The following CRB1 variants were observed in gnomAD, a reference collection of about 807,000 sequenced individuals.
The protein encoded by CRB1 is protein crumbs homolog 1.
In CRB1, 83 loss-of-function variants were observed where a neutral mutation model predicts 120.0. That is an observed-to-expected ratio of 0.69 (90% confidence interval 0.58 to 0.83). The LOEUF (loss-of-function observed/expected upper bound fraction) is 0.83. Ranked by LOEUF, CRB1 falls within the 40% of genes least tolerant of loss-of-function variation. CRB1 has a pLI of 0.00. For synonymous variants in CRB1, 625 were observed against 612.5 expected (o/e 1.02, Z -0.30); for missense variants, 1,699 against 1,687.6 (o/e 1.01, Z -0.12).
At chr1:197,367,001 T>C (rs958259450) in intron 5 of CRB1, among the ~76,000 whole-genome samples, 3 of 152,230 alleles carry the variant, frequency 2.0e-5, no homozygotes, top group Non-Finnish European at 4.4e-5. Context: ...AAAATGAGAA[T>C]GGGACATTGC....
chr1:197,298,606 T>C (rs1452579775), intron 1 of CRB1, among the ~76,000 whole-genome samples: 1 of 152,076 alleles, frequency 6.6e-6, no homozygotes, highest in Admixed American at 6.6e-5. Flanking sequence ...GAATAATGAC[T>C]TGGAGGGAAT....
In CRB1 at chr1:197,343,354, C is replaced by T. The variant is rs185760212; in HGVS notation, c.653-927C>T. 4.4e-3 allele frequency among the ~76,000 whole-genome samples: 666 copies of T among 152,214 alleles called. 6 individuals carry two copies. The highest frequency in any genetic ancestry group is 8.2e-3 in the Non-Finnish European group (559 of 67,982). On this transcript the variant is annotated intron_variant, in intron 2 of 11. Transcript: ENST00000367400. ...AACCTGTATGCAAATGCAATTATTG[C>T]ATATCAAATACTATTTTGGCACTTA...
At position 197,438,680 on chromosome 1, in the gene CRB1, G is replaced by A; in HGVS notation, c.3878+5G>A. 1 of 1,611,630 alleles carries A rather than the reference G, an allele frequency of 6.2e-7. No individual in the cohort carries two copies. Among genetic ancestry groups the A allele is most frequent in the Non-Finnish European group, 8.5e-7 (1 of 1,178,154 alleles). ...GCCAGGTTTTACTGGAGAATGGTGAGTCACATTAGAGCCTTCTGGAAGAGA... is the reference window on the plus strand; with the variant it reads ...GCCAGGTTTTACTGGAGAATGGTGAATCACATTAGAGCCTTCTGGAAGAGA... On this transcript the variant is annotated splice_donor_5th_base_variant and intron_variant, in intron 10 of 11. Coordinates refer to ENST00000367400, the MANE Select transcript of CRB1 (RefSeq NM_201253.3).
chr1:197,361,053 G>A (rs932214464), intron 5 of CRB1, among the ~76,000 whole-genome samples: 3 of 152,070 alleles, frequency 2.0e-5, no homozygotes, highest in Non-Finnish European at 4.4e-5. Context: ...GTGGTAGATT[G>A]CTCTGGTTCA....
chr1:197,206,848 A>G, the CRB1 span, among the ~76,000 whole-genome samples: 7 of 152,118 alleles, frequency 4.6e-5, no homozygotes, highest in East Asian at 1.4e-3. Flanking sequence ...AAGTCCCCCA[A>G]TATTACTGTG....
chr1:197,390,346 G>A (rs1015011561), intron 5 of CRB1, among the ~76,000 whole-genome samples: 1 of 152,084 alleles, frequency 6.6e-6, no homozygotes, highest in African/African-American at 2.4e-5. Flanking sequence ...GTAAATGGAT[G>A]AATAGACAGC....
intron 3 of CRB1, among the ~76,000 whole-genome samples, chr1:197,346,771 G>T (rs1017080193): frequency 4.6e-5 from 7 of 152,170 alleles, no homozygotes; most frequent in South Asian, 4.1e-4. Context: ...ATTAGAAATA[G>T]TAAGGCCTAA....
the CRB1 span, among the ~76,000 whole-genome samples, chr1:197,203,585 A>G: frequency 6.6e-6 from 1 of 152,170 alleles, no homozygotes. Context: ...TTGGCCTCCC[A>G]AAGAGCTGGG....
At chr1:197,323,795 A>G (rs907392923) in intron 1 of CRB1, among the ~76,000 whole-genome samples, 1 of 152,128 alleles carries the variant, frequency 6.6e-6, no homozygotes, top group Non-Finnish European at 1.5e-5. Context: ...CCTAACGCCC[A>G]AGACCTGATC....
intron 1 of CRB1, among the ~76,000 whole-genome samples, chr1:197,282,219 A>G (rs1655561502): frequency 6.6e-6 from 1 of 151,772 alleles, no homozygotes; most frequent in African/African-American, 2.4e-5. Flanking sequence ...ATAAAATTTC[A>G]GAATAATAAT....
At chr1:197,319,383 A>C (rs927100424) in intron 1 of CRB1, among the ~76,000 whole-genome samples, 3 of 128,260 alleles carry the variant, frequency 2.3e-5, no homozygotes, top group Non-Finnish European at 4.7e-5. Flanking sequence ...AGCTGAGATC[A>C]TGCCACTACA....
chr1:197,328,830 G>A lies in CRB1; in HGVS notation c.479G>A (p.Gly160Glu), dbSNP rs1352663513. ...TGTGCTTCCAGCCCTTGCCAAAATG[G>A]GGCCGTGTGCCAGGATGGAATTGAT... ...DECASSPCQN[G>E]AVCQDGIDGY... The change falls in exon 2 of 12, where the codon GGG (glycine) becomes GAG (glutamate). Residue 160 changes from glycine to glutamate, a missense_variant. Coordinates refer to ENST00000367400, the MANE Select transcript of CRB1 (RefSeq NM_201253.3). The A allele has an allele frequency of 6.2e-7, 1 of 1,614,116 alleles. No homozygotes were observed. Among genetic ancestry groups the A allele is most frequent in the Non-Finnish European group, 8.5e-7 (1 of 1,180,002 alleles).
At chr1:197,429,157 T>C (rs1261981925) in intron 7 of CRB1, 1 of 1,530,784 alleles carries the variant, frequency 6.5e-7, no homozygotes, top group Non-Finnish European at 8.7e-7. Flanking sequence ...AAAAAGTGCC[T>C]GGTAATTTGT....
intron 5 of CRB1, among the ~76,000 whole-genome samples, chr1:197,410,060 C>CA (rs1358952177): frequency 1.3e-5 from 2 of 152,230 alleles, no homozygotes; most frequent in Admixed American, 6.5e-5. Flanking sequence ...GCTGGCATTA[C>CA]AGGCGTGAGC....
chr1:197,216,496 G>A, the CRB1 span, among the ~76,000 whole-genome samples: 4 of 152,142 alleles, frequency 2.6e-5, no homozygotes, highest in African/African-American at 7.2e-5. Context: ...ACTGTATCTT[G>A]CTGATATTGA....
the CRB1 span, chr1:197,222,705 A>G: frequency 1.2e-6 from 1 of 814,544 alleles, no homozygotes; most frequent in East Asian, 2.4e-5. Context: ...CTCCATTCTC[A>G]GTTCATTTCC....
intron 1 of CRB1, among the ~76,000 whole-genome samples, chr1:197,299,105 A>C (rs1353536226): frequency 6.6e-6 from 1 of 152,154 alleles, no homozygotes; most frequent in Non-Finnish European, 1.5e-5. Context: ...CATACAGTCA[A>C]CAAGATAATG....
intron 6 of CRB1, 52 bp downstream of exon 6, chr1:197,422,008 CAG>C (rs1664359175): frequency 1.9e-6 from 3 of 1,555,678 alleles, no homozygotes; most frequent in African/African-American, 1.4e-5. Context: ...CAGAGCAGAG[CAG>C]AAACAGCAAA....
the CRB1 span, among the ~76,000 whole-genome samples, chr1:197,209,658 T>A: frequency 6.6e-6 from 1 of 152,288 alleles, no homozygotes; most frequent in South Asian, 2.1e-4. Flanking sequence ...TCTCCTGCGG[T>A]CTTTTCCCAG....
Sources: allele counts gnomAD v4.1 joint callset (sites outside exome capture counted in the v4.1 genomes callset), GRCh38; gene constraint gnomAD v4.1.1; transcripts MANE v1.5; gene names NCBI Gene and HGNC (gene_info 2026-07-23, HGNC 2026-07-21).